The following ARFGAP3 variants were observed in gnomAD, a reference collection of about 807,000 sequenced individuals.
ARFGAP3 encodes ADP-ribosylation factor GTPase-activating protein 3.
In ARFGAP3, 72 loss-of-function variants were observed where a neutral mutation model predicts 75.0. That is an observed-to-expected ratio of 0.96 (90% confidence interval 0.79 to 1.17). The LOEUF (loss-of-function observed/expected upper bound fraction) is 1.17, where lower values mean the gene tolerates loss of function less well. ARFGAP3 is among the 50% of genes most tolerant of loss of function. The pLI is 0.00. For synonymous variants in ARFGAP3, 221 were observed against 217.9 expected (o/e 1.01, Z -0.13); for missense variants, 620 against 626.6 (o/e 0.99, Z 0.11).
chr22:42,811,090 CA>C lies in ARFGAP3; in HGVS notation c.1065-147del, dbSNP rs1342918430. 4.5e-6 allele frequency: 6 copies of C among 1,320,858 alleles called. No individual in the cohort carries two copies. In the Admixed American group the frequency reaches 1.7e-4, roughly 38 times the overall value. 81.8% of individuals were successfully genotyped at this position (1,320,858 alleles called of 1,614,324 possible). A position where few individuals can be genotyped will look rare whatever the true frequency, so the allele number is the denominator to read the frequency against. ...GTCTAGCCAATGAGACAGGAGCAGACACGAGGTGTGTCATTTCCAAGGCCTT... is the reference window on the plus strand; with the variant it reads ...GTCTAGCCAATGAGACAGGAGCAGACCGAGGTGTGTCATTTCCAAGGCCTT... On this transcript the variant is annotated intron_variant, in intron 11 of 15. Coordinates refer to ENST00000263245, the MANE Select transcript of ARFGAP3 (RefSeq NM_014570.5).
At chr22:42,798,489 G>C (rs1192013028) in intron 15 of ARFGAP3, among the ~76,000 whole-genome samples, 1 of 152,248 alleles carries the variant, frequency 6.6e-6, no homozygotes, top group Non-Finnish European at 1.5e-5. Context: ...ACTCTCATGC[G>C]CAAGTATGCG....
intron 1 of ARFGAP3, among the ~76,000 whole-genome samples, chr22:42,851,978 A>T (rs1927295276): frequency 6.6e-6 from 1 of 152,122 alleles, no homozygotes; most frequent in African/African-American, 2.4e-5. Flanking sequence ...CTTCCTGGGC[A>T]TGTGTGTGAT....
At chr22:42,853,068 T>C (rs1927348445) in intron 1 of ARFGAP3, among the ~76,000 whole-genome samples, 1 of 152,220 alleles carries the variant, frequency 6.6e-6, no homozygotes. Flanking sequence ...CCGGCCTATT[T>C]ATTTGTTTTT....
Position 42,807,154 on chromosome 22 carries a change from T to C in ARFGAP3, c.1330A>G (p.Arg444Gly). The C allele has an allele frequency of 1.2e-6, 2 of 1,611,584 alleles. No homozygotes were observed. The highest frequency in any genetic ancestry group is 1.7e-6 in the Non-Finnish European group (2 of 1,178,790). ...GCCGACAGCCTCTCTAGGCGGGCCC[T>C]GGTCTCATACTAGAGAAGACAAGGA... ...GRQSQADYET[R>G]ARLERLSASS... The change falls in exon 14 of 16, where the codon AGG becomes GGG. Residue 444 changes from arginine (R) to glycine (G), a missense_variant. Arg to Gly is a moderately radical substitution (Grantham distance 125). Coordinates refer to ENST00000263245, the MANE Select transcript of ARFGAP3 (RefSeq NM_014570.5).
intron 8 of ARFGAP3, among the ~76,000 whole-genome samples, chr22:42,822,929 T>C (rs763849214): frequency 2.6e-5 from 4 of 151,986 alleles, no homozygotes; most frequent in Non-Finnish European, 5.9e-5. Flanking sequence ...CCCACCTTAG[T>C]ATCCCGAGTA....
In ARFGAP3 at chr22:42,835,478, G is replaced by C. The variant is rs1411698513; in HGVS notation, c.277C>G (p.Gln93Glu). The C allele has an allele frequency of 2.5e-6, 4 of 1,613,508 alleles. No individual in the cohort carries two copies. The African/African-American group carries it at 5.3e-5, about 22-fold the overall frequency. Reference protein sequence around the residue: ...GNASASSFFHQHGCSTNDTNA... With the variant: ...GNASASSFFHEHGCSTNDTNA... ...GTGTCATTGGTGGAACACCCATGTT[G>C]ATGAAAAAAGGAAGACTACAGAGAA... The change falls in exon 4 of 16, where the codon CAA becomes GAA. Residue 93 changes from glutamine to glutamate, a missense_variant. Physicochemically the swap from Gln to Glu is conservative, Grantham distance 29 (BLOSUM62 2). Coordinates refer to ENST00000263245, the MANE Select transcript of ARFGAP3 (RefSeq NM_014570.5).
intron 6 of ARFGAP3, among the ~76,000 whole-genome samples, chr22:42,830,798 CATT>C (rs535606174): frequency 2.4e-4 from 37 of 152,280 alleles, no homozygotes; most frequent in African/African-American, 8.2e-4. Context: ...AACCCATACT[CATT>C]ATAAAAGTTC....
At chr22:42,807,553 A>C (rs755645037) in intron 13 of ARFGAP3, among the ~76,000 whole-genome samples, 26 of 152,240 alleles carry the variant, frequency 1.7e-4, no homozygotes, top group Non-Finnish European at 3.5e-4. Context: ...CTTTGAAGCA[A>C]GGCAGATTTT....
intron 9 of ARFGAP3, among the ~76,000 whole-genome samples, chr22:42,821,195 AC>A (rs1925797945): frequency 1.3e-5 from 2 of 152,198 alleles, no homozygotes; most frequent in Non-Finnish European, 2.9e-5. Flanking sequence ...ACAGAGTCCA[AC>A]AGGGCTTCAG....
rs143344419 is a variant in ARFGAP3, at chr22:42,804,193, A to G, written c.1411+2880T>C. 2.0e-5 allele frequency among the ~76,000 whole-genome samples: 3 copies of G among 150,832 alleles called. No homozygotes were observed. The East Asian group carries it at 6.0e-4, about 30-fold the overall frequency. On this transcript the variant is annotated intron_variant, in intron 14 of 15. Coordinates refer to ENST00000263245, the MANE Select transcript of ARFGAP3 (RefSeq NM_014570.5). ...TGCTGGATTATAGGGGTGAGCCACC[A>G]AGCAGAATAGTTTCTTTTTTCCTTT...
chr22:42,832,007 G>T (rs961303859), intron 5 of ARFGAP3, among the ~76,000 whole-genome samples: 1 of 151,680 alleles, frequency 6.6e-6, no homozygotes, highest in Non-Finnish European at 1.5e-5. Context: ...CGTCTCAAAC[G>T]CCTGGGCTCA....
intron 2 of ARFGAP3, 131 bp downstream of exon 2, chr22:42,847,383 T>C (rs1927068805): frequency 5.5e-6 from 4 of 727,592 alleles, no homozygotes; most frequent in Non-Finnish European, 9.3e-6. Flanking sequence ...TGAGCTATGA[T>C]GGCACTCCTG....
intron 9 of ARFGAP3, 142 bp from the exon 10 acceptor site, chr22:42,817,999 G>A (rs952633571): frequency 8.4e-7 from 1 of 1,184,388 alleles, no homozygotes; most frequent in Non-Finnish European, 1.1e-6. Context: ...GCAAGTTGGT[G>A]TTTTTTCTAC....
intron 2 of ARFGAP3, among the ~76,000 whole-genome samples, chr22:42,841,866 T>A (rs1337026594): frequency 2.1e-5 from 1 of 48,404 alleles, no homozygotes; most frequent in Non-Finnish European, 6.0e-5. Context: ...TACTAATTTC[T>A]TTTTTTTTTT....
chr22:42,836,529 TTTATCA>T (rs1341112697), intron 3 of ARFGAP3, among the ~76,000 whole-genome samples: 15 of 152,232 alleles, frequency 9.9e-5, no homozygotes, highest in African/African-American at 3.6e-4. Flanking sequence ...TTAGCACTAT[TTTATCA>T]TTAACAGATA....
chr22:42,823,873 A>T (rs1302489146), intron 7 of ARFGAP3, 171 bp from the exon 8 acceptor site: 1 of 560,282 alleles, frequency 1.8e-6, no homozygotes, highest in African/African-American at 2.0e-5. Context: ...TTGGATTAAC[A>T]GAACTTTGTC....
chr22:42,852,378 G>C (rs1041656567), intron 1 of ARFGAP3, among the ~76,000 whole-genome samples: 1 of 149,854 alleles, frequency 6.7e-6, no homozygotes, highest in Non-Finnish European at 1.5e-5. Context: ...CTTTTTTTTT[G>C]AGATAGGGTC....
intron 11 of ARFGAP3, among the ~76,000 whole-genome samples, chr22:42,813,235 G>A (rs530660362): frequency 7.9e-5 from 12 of 152,296 alleles, no homozygotes; most frequent in African/African-American, 2.6e-4. Context: ...CTTATGGAAG[G>A]GAGGCTGACT....
chr22:42,834,107 T>C, intron 5 of ARFGAP3, 135 bp downstream of exon 5: 2 of 798,220 alleles, frequency 2.5e-6, no homozygotes, highest in South Asian at 1.8e-5. Context: ...GATAATGTCA[T>C]TTCTCTCTTC....
Sources: gnomAD v4.1 joint callset for allele counts (sites outside exome capture counted in the v4.1 genomes callset) on GRCh38, gnomAD v4.1.1 for gene constraint, MANE v1.5 for transcripts, NCBI Gene and HGNC (gene_info 2026-07-23, HGNC 2026-07-21) for gene names.